The following KLF12 variants were observed in gnomAD, a reference collection of about 807,000 sequenced individuals.
KLF12 encodes the protein Krueppel-like factor 12.
In KLF12, 9 loss-of-function variants were observed where a neutral mutation model predicts 37.8. That is an observed-to-expected ratio of 0.24 (90% CI 0.14 to 0.42). KLF12 has a LOEUF of 0.42. Among genes scored for constraint, KLF12 ranks in the 10% least tolerant of loss-of-function variants. The pLI is 1.00. For missense variants in KLF12, 411 were observed against 516.0 expected (o/e 0.80, Z 1.97); for synonymous variants, 208 against 202.1 (o/e 1.03, Z -0.25).
intron 2 of KLF12, among the ~76,000 whole-genome samples, chr13:73,980,571 T>A (rs1321747546): frequency 2.0e-5 from 3 of 152,148 alleles, no homozygotes; most frequent in Non-Finnish European, 2.9e-5. Flanking sequence ...AGTAAAAATC[T>A]ACCATCTCAG....
intron 1 of KLF12, among the ~76,000 whole-genome samples, chr13:74,010,947 A>G (rs1260592633): frequency 1.3e-5 from 2 of 152,222 alleles, no homozygotes; most frequent in East Asian, 3.9e-4. Context: ...TCCATCATCC[A>G]GCATTCCTAC....
intron 1 of KLF12, among the ~76,000 whole-genome samples, chr13:74,073,252 AT>A (rs925919099): frequency 6.6e-6 from 1 of 151,454 alleles, no homozygotes; most frequent in African/African-American, 2.4e-5. Context: ...TATTTGACTG[AT>A]TTTTTTTTCT....
chr13:73,989,932 A>C (rs1891922673), intron 2 of KLF12, among the ~76,000 whole-genome samples: 1 of 151,952 alleles, frequency 6.6e-6, no homozygotes, highest in African/African-American at 2.4e-5. Context: ...TTAAAAAAAA[A>C]GTTCAAGGCA....
At chr13:74,101,810 G>T (rs1014252957) in intron 1 of KLF12, among the ~76,000 whole-genome samples, 1 of 152,144 alleles carries the variant, frequency 6.6e-6, no homozygotes, top group African/African-American at 2.4e-5. Flanking sequence ...TGGGGAAAAA[G>T]GGAGAACTCT....
intron 2 of KLF12, among the ~76,000 whole-genome samples, chr13:73,973,792 C>G (rs1438462019): frequency 6.6e-6 from 1 of 152,114 alleles, no homozygotes; most frequent in African/African-American, 2.4e-5. Flanking sequence ...AAAGCACTCA[C>G]TCCTAACATT....
At chr13:74,230,784 G>C in the KLF12 span, among the ~76,000 whole-genome samples, 1 of 152,140 alleles carries the variant, frequency 6.6e-6, no homozygotes, top group Non-Finnish European at 1.5e-5. Flanking sequence ...TCTAAACCTG[G>C]TGCTTGTTTC....
chr13:74,100,722 T>C (rs893824237), intron 1 of KLF12, among the ~76,000 whole-genome samples: 2 of 152,134 alleles, frequency 1.3e-5, no homozygotes, highest in Non-Finnish European at 1.5e-5. Flanking sequence ...ATGGAGTGTG[T>C]ACATAAAAAT....
chr13:74,219,392 C>T, the KLF12 span, among the ~76,000 whole-genome samples: 8 of 152,062 alleles, frequency 5.3e-5, no homozygotes, highest in African/African-American at 1.4e-4. Context: ...CTGTATAATC[C>T]TCTTAATACA....
At chr13:73,759,015 G>C (rs1481820665) in intron 6 of KLF12, among the ~76,000 whole-genome samples, 1 of 152,166 alleles carries the variant, frequency 6.6e-6, no homozygotes, top group Non-Finnish European at 1.5e-5. Context: ...AGGTGATACT[G>C]CATTATAGCC....
the KLF12 span, among the ~76,000 whole-genome samples, chr13:74,236,065 A>G: frequency 1.3e-5 from 2 of 149,236 alleles, no homozygotes; most frequent in Non-Finnish European, 3.0e-5. Context: ...ATCTAGCATT[A>G]GGTATATCTC....
the KLF12 span, among the ~76,000 whole-genome samples, chr13:74,228,876 G>GA: frequency 0.038 from 5,505 of 144,548 alleles, 227 homozygotes; most frequent in African/African-American, 0.1. Context: ...TCATTAAATT[G>GA]AAAAAAAAAA....
intron 4 of KLF12, among the ~76,000 whole-genome samples, chr13:73,822,076 G>A (rs754038073): frequency 6.6e-6 from 1 of 152,172 alleles, no homozygotes; most frequent in African/African-American, 2.4e-5. Flanking sequence ...GTTTAATGCA[G>A]ATCTCTACTG....
intron 3 of KLF12, among the ~76,000 whole-genome samples, chr13:73,908,518 T>C (rs764725136): frequency 6.0e-5 from 9 of 151,226 alleles, no homozygotes; most frequent in Non-Finnish European, 1.3e-4. Context: ...TTTCGCTCCG[T>C]TGCCCAGGCT....
chr13:74,036,531 A>T (rs73214803), intron 1 of KLF12, among the ~76,000 whole-genome samples: 554 of 152,302 alleles, frequency 3.6e-3, no homozygotes, highest in Non-Finnish European at 6.1e-3. Context: ...CATTCCCAAG[A>T]AGGTTTTTCA....
intron 4 of KLF12, among the ~76,000 whole-genome samples, chr13:73,820,046 T>C (rs563466089): frequency 4.0e-4 from 61 of 152,174 alleles, no homozygotes; most frequent in African/African-American, 1.4e-3. Flanking sequence ...ACATAGGCTT[T>C]TGAATTTTGC....
intron 1 of KLF12, among the ~76,000 whole-genome samples, chr13:74,051,372 ACACAC>A (rs1359467562): frequency 6.6e-6 from 1 of 151,648 alleles, no homozygotes; most frequent in African/African-American, 2.4e-5. Context: ...ACACACACAC[ACACAC>A]AGTGGAATTC....
chr13:74,032,174 T>C (rs763500644), intron 1 of KLF12, among the ~76,000 whole-genome samples: 6 of 152,198 alleles, frequency 3.9e-5, no homozygotes, highest in Admixed American at 1.3e-4. Context: ...AAACCTACGA[T>C]ATGTAGTAGG....
At chr13:74,156,116 T>C in the KLF12 span, among the ~76,000 whole-genome samples, 1 of 152,246 alleles carries the variant, frequency 6.6e-6, no homozygotes, top group Admixed American at 6.5e-5. Context: ...TCCTCCACAA[T>C]GCACCTTCCA....
At chr13:74,169,280 TA>T in the KLF12 span, among the ~76,000 whole-genome samples, 5 of 152,210 alleles carry the variant, frequency 3.3e-5, no homozygotes, top group African/African-American at 1.2e-4. Flanking sequence ...AATAAAATAA[TA>T]ATCACTATTA....
Sources: allele counts gnomAD v4.1 joint callset (sites outside exome capture counted in the v4.1 genomes callset), GRCh38; gene constraint gnomAD v4.1.1; transcripts MANE v1.5; gene names NCBI Gene and HGNC (gene_info 2026-07-23, HGNC 2026-07-21).